TRAK1: variants seen among roughly 807,000 people sequenced by gnomAD.
TRAK1 encodes the protein trafficking kinesin-binding protein 1.
Under a neutral mutation model 92.1 loss-of-function variants are expected in TRAK1, and 33 were observed. The ratio of observed to expected loss-of-function variants is 0.36; its 90% CI spans 0.27 to 0.48. The LOEUF is 0.48. TRAK1 is among the 20% of genes least tolerant of loss of function. The pLI, the probability that TRAK1 is intolerant of heterozygous loss-of-function variation, is 0.99. For synonymous variants in TRAK1, 521 were observed against 517.3 expected, an observed-to-expected ratio of 1.01 and a Z score of -0.10; for missense variants, 1,123 against 1,257.9, an observed-to-expected ratio of 0.89 and a Z score of 1.62.
chr3:42,039,517 A>G (rs1428125131), intron 1 of TRAK1, among the ~76,000 whole-genome samples: 1 of 152,120 alleles, frequency 6.6e-6, no homozygotes, highest in Non-Finnish European at 1.5e-5. Flanking sequence ...GTGCACACCA[A>G]CATGCCCAGC....
chr3:42,171,206 C>T (rs1490441012), intron 2 of TRAK1, among the ~76,000 whole-genome samples: 2 of 152,082 alleles, frequency 1.3e-5, no homozygotes, highest in Non-Finnish European at 2.9e-5. Flanking sequence ...TATGTACACA[C>T]ATATGTACAT....
At chr3:42,203,494 CTTT>C (rs34602604) in intron 13 of TRAK1, 286,687 of 927,110 alleles carry the variant, frequency 0.31, 9,591 homozygotes, top group Admixed American at 0.48. Flanking sequence ...CCTCCTGCCT[CTTT>C]TTTTTTTTTT....
Position 42,223,536 on chromosome 3 carries a change from A to G in TRAK1, c.2661A>G (p.Arg887=), listed in dbSNP as rs758484109. ...PPGPAPALVP[R]GLVPEGLPLR... ...GGCCAGCACCAGCCCTTGTTCCCAGAGGCCTGGTACCTGAGGGCCTGCCCC... is the reference window on the plus strand; with the variant it reads ...GGCCAGCACCAGCCCTTGTTCCCAGGGGCCTGGTACCTGAGGGCCTGCCCC... Residue 887 remains arginine (R), a synonymous_variant, in exon 16 of 16, where the codon AGA becomes AGG. Coordinates refer to ENST00000327628, the MANE Select transcript of TRAK1 (RefSeq NM_001042646.3). This position sits in a 1 kb window ranked among gnomAD's most constrained non-coding sequence, Gnocchi z 6.1. 2 of 1,613,742 alleles carry G rather than the reference A, an allele frequency of 1.2e-6. No individual in the cohort carries two copies. The highest frequency in any genetic ancestry group is 1.7e-6 in the Non-Finnish European group (2 of 1,179,906).
rs1215934332 is a variant in TRAK1, at chr3:42,184,668, C to T, written c.364-17C>T. ...ACAGGTCTTTTGAATCTCTGTTCTC[C>T]CTCTTTCCTTTTGTAGAAAGAGCGG... On this transcript the variant is annotated splice_polypyrimidine_tract_variant and intron_variant, in intron 3 of 15. Transcript: ENST00000327628. 5.0e-6 allele frequency: 8 copies of T among 1,611,910 alleles called. No individual in the cohort carries two copies. The East Asian group carries it at 1.6e-4, about 31-fold the overall frequency.
At chr3:42,043,883 T>C (rs1702656394) in intron 1 of TRAK1, among the ~76,000 whole-genome samples, 1 of 152,150 alleles carries the variant, frequency 6.6e-6, no homozygotes, top group Non-Finnish European at 1.5e-5. Flanking sequence ...ACCTTTCAGT[T>C]GGCAGGAAGC....
At chr3:42,044,183 C>T (rs1255523288) in intron 1 of TRAK1, among the ~76,000 whole-genome samples, 1 of 152,164 alleles carries the variant, frequency 6.6e-6, no homozygotes, top group Non-Finnish European at 1.5e-5. Flanking sequence ...TTTTTTGAAA[C>T]AGGGTCTTGC....
chr3:42,124,487 A>G (rs1429250023), intron 1 of TRAK1, among the ~76,000 whole-genome samples: 2 of 152,206 alleles, frequency 1.3e-5, no homozygotes. Context: ...TATCCTGGTT[A>G]TGTTTGCCAT....
intron 1 of TRAK1, among the ~76,000 whole-genome samples, chr3:42,036,235 A>C (rs1257508015): frequency 6.6e-6 from 1 of 152,160 alleles, no homozygotes; most frequent in African/African-American, 2.4e-5. Context: ...TACTCCCAAA[A>C]GATTGTAGGT....
rs1043815343 is a variant in TRAK1, at chr3:42,224,397, G to A, written c.*660G>A. 3.0e-4 allele frequency: 75 copies of A among 253,446 alleles called. 1 individual carries two copies. The Admixed American group carries it at 3.6e-3, about 12-fold the overall frequency. 15.7% of individuals were successfully genotyped at this position (253,446 alleles called of 1,614,324 possible). Reference sequence around the variant, plus strand: ...GAAGTCATCCTGTGTTTTGTAATCAGCTGTCAGGCCAAATGTCTGACCCGA... The same window carrying A: ...GAAGTCATCCTGTGTTTTGTAATCAACTGTCAGGCCAAATGTCTGACCCGA... On this transcript the variant is annotated 3_prime_UTR_variant, in exon 16 of 16. Coordinates refer to ENST00000327628, the MANE Select transcript of TRAK1 (RefSeq NM_001042646.3).
At position 42,091,575 on chromosome 3, in the gene TRAK1, C is replaced by A; in HGVS notation, c.91+15C>A. On this transcript the variant is annotated intron_variant, in intron 1 of 15. Coordinates refer to ENST00000327628, the MANE Select transcript of TRAK1 (RefSeq NM_001042646.3). The stretch of plus-strand genomic sequence containing the variant: ...AAACGCCTGTGGTAAGTTTGTTTGC[C>A]AGGTCTGTCTGCTGTCTGTTTTCTT... 6.2e-7 allele frequency: 1 copy of A among 1,608,602 alleles called. No homozygotes were observed. Among genetic ancestry groups the A allele is most frequent in the Non-Finnish European group, 8.5e-7 (1 of 1,178,000 alleles).
Position 42,143,783 on chromosome 3 carries a change from T to C in TRAK1, c.286+18169T>C, listed in dbSNP as rs1378153294. ...GGGAGGGCTGTAACCCTCAGGAGTG[T>C]TGGGACTCTTGGTGTGAAGGAAAGT... On this transcript the variant is annotated intron_variant, in intron 2 of 15. Coordinates refer to ENST00000327628, the MANE Select transcript of TRAK1 (RefSeq NM_001042646.3). Among the ~76,000 whole-genome samples the C allele has an allele frequency of 4.6e-5, 7 of 152,140 alleles. No homozygotes were observed. In the East Asian group the frequency reaches 1.3e-3, roughly 29 times the overall value.
Position 42,202,624 on chromosome 3 carries a change from C to T in TRAK1, c.1616C>T (p.Thr539Ile), listed in dbSNP as rs763930416. Residue 539 changes from threonine to isoleucine, a missense_variant, in exon 13 of 16, where the codon ACA becomes ATA. Transcript: ENST00000327628. This position sits in a 1 kb window ranked among gnomAD's most constrained non-coding sequence, Gnocchi z 6.1. ...EKGELRSGSLTPTESIMSLGT... is the reference protein window; with the variant it reads ...EKGELRSGSLIPTESIMSLGT... ...GGCGAGCTGCGCAGCGGCTCCCTCA[C>T]ACCCACTGAGAGCATCATGTCCCTG... 22 of 1,608,422 alleles carry T rather than the reference C, an allele frequency of 1.4e-5. No individual in the cohort carries two copies. The highest frequency in any genetic ancestry group is 3.3e-5 in the South Asian group (3 of 90,760).
chr3:42,093,672 C>T (rs1311588327), intron 1 of TRAK1, among the ~76,000 whole-genome samples: 25 of 13,730 alleles, frequency 1.8e-3, no homozygotes, highest in African/African-American at 4.7e-3. Flanking sequence ...CTTCCCTCCC[C>T]TCCCCTCCCC....
chr3:42,118,114 CACTCTGTCGCCCAGGCTGGAG>C (rs1340041630), intron 1 of TRAK1, among the ~76,000 whole-genome samples: 1 of 151,936 alleles, frequency 6.6e-6, no homozygotes, highest in East Asian at 1.9e-4. Flanking sequence ...GAGGGAGTTT[CACTCTGTCGCCCAGGCTGGAG>C]TGCAGTGCTG....
chr3:42,017,107 A>G (rs1701555623), intron 1 of TRAK1, among the ~76,000 whole-genome samples: 1 of 152,140 alleles, frequency 6.6e-6, no homozygotes. Context: ...TAAAACACAA[A>G]AAAAGTAGCC....
chr3:42,163,169 A>AT (rs1185377623), intron 2 of TRAK1, among the ~76,000 whole-genome samples: 1 of 152,210 alleles, frequency 6.6e-6, no homozygotes, highest in African/African-American at 2.4e-5. Flanking sequence ...GTCCCAGCCT[A>AT]TTTAGAATGG....
At chr3:42,013,748 C>A (rs1701400087), upstream of TRAK1, 1 of 148,038 alleles carries the variant, frequency 6.8e-6, no homozygotes, top group African/African-American at 2.5e-5. The surrounding 1 kb of genome is among the most constrained non-coding windows in gnomAD (Gnocchi z 5.1). Flanking sequence ...CCGGCCGCCG[C>A]CCCCGCGCGC....
chr3:42,074,058 A>G (rs1330672005), intron 1 of TRAK1, among the ~76,000 whole-genome samples: 1 of 152,234 alleles, frequency 6.6e-6, no homozygotes, highest in East Asian at 1.9e-4. Flanking sequence ...TCAGTGGTCA[A>G]GGATCACATG....
At chr3:42,105,350 G>C (rs1245181680) in intron 1 of TRAK1, among the ~76,000 whole-genome samples, 2 of 152,194 alleles carry the variant, frequency 1.3e-5, no homozygotes, top group African/African-American at 2.4e-5. Flanking sequence ...GAAAACCATG[G>C]CACGAGAACT....
Sources: allele counts gnomAD v4.1 joint callset (sites outside exome capture counted in the v4.1 genomes callset), GRCh38; gene constraint gnomAD v4.1.1; non-coding constraint Gnocchi (gnomAD v3.1); transcripts MANE v1.5; gene names NCBI Gene and HGNC (gene_info 2026-07-23, HGNC 2026-07-21).